Variants in PPP1R7 observed in about 807,000 individuals in gnomAD.
The protein encoded by PPP1R7 is protein phosphatase 1 regulatory subunit 22.
Under a neutral mutation model 45.2 loss-of-function variants are expected in PPP1R7, and 18 were observed. The ratio of observed to expected loss-of-function variants is 0.40; its 90% CI spans 0.28 to 0.59. The LOEUF is 0.59. Ranked by LOEUF, PPP1R7 falls within the 20% of genes least tolerant of loss-of-function variation. The probability of loss-of-function intolerance (pLI) is 0.46; values close to 1 mark genes in which losing one functional copy is unlikely to be tolerated. For missense variants in PPP1R7, 314 were observed against 455.8 expected (o/e 0.69, Z 2.83); for synonymous variants, 181 against 183.4 (o/e 0.99, Z 0.11).
intron 2 of PPP1R7, 51 bp from the exon 3 acceptor site, chr2:241,157,756 T>C (rs1012437641): frequency 2.6e-6 from 4 of 1,557,198 alleles, no homozygotes; most frequent in African/African-American, 1.4e-5. Flanking sequence ...TCTTCACCAG[T>C]GCCTCCTGTT....
chr2:241,176,129 T>C (rs1415496916), intron 9 of PPP1R7, among the ~76,000 whole-genome samples: 2 of 152,140 alleles, frequency 1.3e-5, no homozygotes, highest in African/African-American at 4.8e-5. Flanking sequence ...TCCAGGCTGG[T>C]CTCAAACTCC....
upstream of PPP1R7, chr2:241,149,583 G>T: frequency 6.9e-7 from 1 of 1,447,394 alleles, no homozygotes; most frequent in Non-Finnish European, 9.3e-7. Flanking sequence ...CTAGAAGCCC[G>T]CGCTAAGGGT....
rs1195953286 is a variant in PPP1R7 at position 241,183,248 on chromosome 2, A to G, written c.*425A>G. On this transcript the variant is annotated 3_prime_UTR_variant, in exon 10 of 10. Transcript: ENST00000234038. ...GCCCTAGTCCTGGTGTGCAGGGTTC[A>G]GGCAGTCTTGACCTGCAACAACCGA... 2.5e-6 allele frequency: 1 copy of G among 395,532 alleles called. No individual in the cohort carries two copies. Among genetic ancestry groups the G allele is most frequent in the African/African-American group, 2.1e-5 (1 of 47,548 alleles). The allele number at this position is 395,532 out of a possible 1,614,324, so 24.5% of individuals were successfully genotyped here.
chr2:241,171,794 T>C (rs150973872), intron 9 of PPP1R7, among the ~76,000 whole-genome samples: 88 of 152,372 alleles, frequency 5.8e-4, no homozygotes, highest in African/African-American at 1.9e-3. Context: ...TGTTCTTCTT[T>C]CTTGCTTATC....
chr2:241,180,799 C>T (rs1163945957), intron 9 of PPP1R7, among the ~76,000 whole-genome samples: 1 of 151,496 alleles, frequency 6.6e-6, no homozygotes. Context: ...TGGTGCAGCT[C>T]CTCCCAGCAG....
chr2:241,167,564 C>G (rs973737595), intron 8 of PPP1R7, among the ~76,000 whole-genome samples: 4 of 152,222 alleles, frequency 2.6e-5, no homozygotes, highest in African/African-American at 9.6e-5. Flanking sequence ...CCTGGCCTCC[C>G]TGAGCCAAGG....
chr2:241,165,363 C>T (rs1202633299), intron 7 of PPP1R7, among the ~76,000 whole-genome samples: 1 of 151,318 alleles, frequency 6.6e-6, no homozygotes, highest in African/African-American at 2.4e-5. Context: ...AGACAGGTTT[C>T]ACCATGTTGG....
At chr2:241,156,354 T>A (rs1383852504) in intron 2 of PPP1R7, among the ~76,000 whole-genome samples, 1 of 152,162 alleles carries the variant, frequency 6.6e-6, no homozygotes, top group African/African-American at 2.4e-5. Context: ...AACAGAAAAC[T>A]GCAAGGGGAA....
At chr2:241,159,695 T>C (rs79912488) in intron 5 of PPP1R7, among the ~76,000 whole-genome samples, 6 of 151,996 alleles carry the variant, frequency 3.9e-5, no homozygotes, top group Non-Finnish European at 7.4e-5. Context: ...TTGAATACTC[T>C]TTTTTTTAAT....
chr2:241,177,190 C>T (rs1172185950), intron 9 of PPP1R7, among the ~76,000 whole-genome samples: 2 of 152,172 alleles, frequency 1.3e-5, no homozygotes, highest in Admixed American at 6.5e-5. Flanking sequence ...AAGATCGTGC[C>T]ACTGCACGAT....
chr2:241,175,345 C>T (rs182236384), intron 9 of PPP1R7, among the ~76,000 whole-genome samples: 1 of 152,260 alleles, frequency 6.6e-6, no homozygotes, highest in East Asian at 1.9e-4. Flanking sequence ...CCCTATTTTC[C>T]CCTTCCCAGA....
At chr2:241,180,922 G>A (rs2067992637) in intron 9 of PPP1R7, among the ~76,000 whole-genome samples, 1 of 152,208 alleles carries the variant, frequency 6.6e-6, no homozygotes, top group Non-Finnish European at 1.5e-5. Flanking sequence ...CCTCAGGCCA[G>A]GCGCAGTGGC....
At chr2:241,164,541 T>C (rs1460548018) in intron 7 of PPP1R7, among the ~76,000 whole-genome samples, 1 of 152,194 alleles carries the variant, frequency 6.6e-6, no homozygotes, top group African/African-American at 2.4e-5. Context: ...CTTCGACTGA[T>C]ACTGAGGGGC....
intron 8 of PPP1R7, among the ~76,000 whole-genome samples, chr2:241,168,624 C>T (rs2067762087): frequency 6.6e-6 from 1 of 152,194 alleles, no homozygotes; most frequent in Admixed American, 6.5e-5. Context: ...ACCAGGGCAC[C>T]GAGATGGGGT....
rs140824271 is a variant in PPP1R7, at chr2:241,172,460, C to T, written c.906+2593C>T. Among the ~76,000 whole-genome samples the T allele has an allele frequency of 7.3e-4, 111 of 152,092 alleles. 4 individuals are homozygous for T. The East Asian group carries it at 0.015, about 21-fold the overall frequency. On this transcript the variant is annotated intron_variant, in intron 9 of 9. Coordinates refer to ENST00000234038, the MANE Select transcript of PPP1R7 (RefSeq NM_002712.3). ...AGGAGTTTGAGACCAGCCTGGCCAA[C>T]GTGGTGAAACCCTGTCTCTACTAAA...
intron 9 of PPP1R7, among the ~76,000 whole-genome samples, chr2:241,179,029 A>T (rs1252718513): frequency 6.6e-6 from 1 of 152,132 alleles, no homozygotes; most frequent in African/African-American, 2.4e-5. Context: ...TTGTGAAGGG[A>T]AATACAGGTA....
rs765607766 is a variant in PPP1R7 at position 241,153,445 on chromosome 2, T to C, written c.53-31T>C. 5.0e-6 allele frequency: 8 copies of C among 1,613,242 alleles called. No homozygotes were observed. The Admixed American group carries it at 1.3e-4, about 27-fold the overall frequency. On this transcript the variant is annotated intron_variant, in intron 1 of 9. Transcript: ENST00000234038. Reference sequence around the variant, plus strand: ...GTTCCTCAAAGTCCCATAAAGTGGATGTGAATTCTCATTGACATGTGTGGG... The same window carrying C: ...GTTCCTCAAAGTCCCATAAAGTGGACGTGAATTCTCATTGACATGTGTGGG...
Position 241,150,492 on chromosome 2 carries a change from C to T in PPP1R7, c.-4C>T, listed in dbSNP as rs746919783. The T allele has an allele frequency of 2.5e-6, 4 of 1,597,964 alleles. No homozygotes were observed. In the South Asian group the frequency reaches 3.4e-5, roughly 13 times the overall value. On this transcript the variant is annotated 5_prime_UTR_variant, in exon 1 of 10. Coordinates refer to ENST00000234038, the MANE Select transcript of PPP1R7 (RefSeq NM_002712.3). ...AGATTCCGGAAAGGGGAAGAGCAGC[C>T]AACATGGCGGCGGAACGCGGCGCGG...
At position 241,183,581 on chromosome 2, in the gene PPP1R7, G is replaced by T. The variant is rs1001043611; in HGVS notation, c.*758G>T. The T allele has an allele frequency of 7.9e-6, 3 of 380,622 alleles. No individual in the cohort carries two copies. The highest frequency in any genetic ancestry group is 1.1e-5 in the Non-Finnish European group (2 of 187,006). The allele number at this position is 380,622 out of a possible 1,614,324, so 23.6% of individuals were successfully genotyped here. A position where few individuals can be genotyped will look rare whatever the true frequency, so the allele number is the denominator to read the frequency against. On this transcript the variant is annotated 3_prime_UTR_variant, in exon 10 of 10. Coordinates refer to ENST00000234038, the MANE Select transcript of PPP1R7 (RefSeq NM_002712.3). ...CCAAGGATCTGAACTCTTGGCCACT[G>T]GTATAGTGGCCTCCTGTTCTCACCC...
Sources: gnomAD v4.1 joint callset for allele counts (sites outside exome capture counted in the v4.1 genomes callset) on GRCh38, gnomAD v4.1.1 for gene constraint, MANE v1.5 for transcripts, NCBI Gene and HGNC (gene_info 2026-07-23, HGNC 2026-07-21) for gene names.